The following GRIK1 variants were observed in gnomAD, a reference collection of about 807,000 sequenced individuals.
The protein encoded by GRIK1 is glutamate ionotropic receptor kainate type subunit 1.
A neutral mutation model predicts 105.7 loss-of-function variants in GRIK1; 69 were observed. The ratio of observed to expected loss-of-function variants is 0.65; its 90% CI spans 0.54 to 0.80. GRIK1 has a LOEUF of 0.80. Among genes scored for constraint, GRIK1 ranks in the 30% least tolerant of loss-of-function variants. The pLI, the probability that GRIK1 is intolerant of heterozygous loss-of-function variation, is 0.00. For missense variants in GRIK1, 1,109 were observed against 1,167.3 expected (o/e 0.95, Z 0.73); for synonymous variants, 438 against 431.3 (o/e 1.02, Z -0.19).
chr21:29,828,615 T>C (rs889527957), intron 1 of GRIK1, among the ~76,000 whole-genome samples: 1 of 151,986 alleles, frequency 6.6e-6, no homozygotes, highest in African/African-American at 2.4e-5. Flanking sequence ...AGTCCTCCCA[T>C]CTTAGCCTCC....
intron 1 of GRIK1, among the ~76,000 whole-genome samples, chr21:29,839,318 G>T (rs142694777): frequency 0.012 from 1,864 of 152,280 alleles, 36 homozygotes; most frequent in African/African-American, 0.043. Flanking sequence ...CCAAAGTGCT[G>T]GGATTACAGG....
At chr21:29,707,098 T>C (rs1348665629) in intron 1 of GRIK1, among the ~76,000 whole-genome samples, 1 of 151,852 alleles carries the variant, frequency 6.6e-6, no homozygotes, top group African/African-American at 2.4e-5. Flanking sequence ...TCTCCTGACC[T>C]CGTGATCCGC....
At chr21:29,537,573 G>A (rs1354180737) in intron 17 of GRIK1, 188 bp from the exon 18 acceptor site, 2 of 661,612 alleles carry the variant, frequency 3.0e-6, no homozygotes, top group Non-Finnish European at 5.4e-6. Flanking sequence ...GGGAAACTGA[G>A]ATGGCAAGTT....
At chr21:29,779,573 A>G (rs1038470449) in intron 1 of GRIK1, among the ~76,000 whole-genome samples, 3 of 152,160 alleles carry the variant, frequency 2.0e-5, no homozygotes, top group Non-Finnish European at 4.4e-5. Flanking sequence ...TACCACCCAC[A>G]AAAAGTGGAC....
intron 1 of GRIK1, among the ~76,000 whole-genome samples, chr21:29,832,015 A>G (rs1033890344): frequency 6.6e-6 from 1 of 152,194 alleles, no homozygotes; most frequent in African/African-American, 2.4e-5. Context: ...CACATTCCAA[A>G]TGTGAGAAAT....
intron 1 of GRIK1, among the ~76,000 whole-genome samples, chr21:29,731,211 C>T (rs1314531159): frequency 6.6e-6 from 1 of 152,164 alleles, no homozygotes; most frequent in Non-Finnish European, 1.5e-5. Context: ...GTGATGTTTT[C>T]CCAGGTGCTT....
intron 4 of GRIK1, among the ~76,000 whole-genome samples, chr21:29,660,280 T>C (rs755874166): frequency 1.3e-5 from 2 of 152,186 alleles, no homozygotes; most frequent in Non-Finnish European, 2.9e-5. Context: ...ACCAAGGCCA[T>C]ATTTTAGTTT....
At chr21:29,631,899 C>A (rs2062282396) in intron 7 of GRIK1, among the ~76,000 whole-genome samples, 1 of 151,720 alleles carries the variant, frequency 6.6e-6, no homozygotes, top group East Asian at 1.9e-4. Context: ...TTCTCTAGAG[C>A]AAATCTTGGA....
At chr21:29,807,346 G>A (rs2066893082) in intron 1 of GRIK1, among the ~76,000 whole-genome samples, 1 of 152,076 alleles carries the variant, frequency 6.6e-6, no homozygotes, top group Non-Finnish European at 1.5e-5. Flanking sequence ...TACAACTTTG[G>A]TCTGATTCTT....
At chr21:29,591,321 TCA>T in intron 9 of GRIK1, 96 bp from the exon 10 acceptor site, 1 of 795,720 alleles carries the variant, frequency 1.3e-6, no homozygotes, top group East Asian at 2.4e-5. Flanking sequence ...GCACAAAAGC[TCA>T]CAGTTTGGGA....
intron 1 of GRIK1, among the ~76,000 whole-genome samples, chr21:29,834,720 T>C (rs1351339627): frequency 6.6e-6 from 1 of 151,356 alleles, no homozygotes; most frequent in African/African-American, 2.4e-5. Context: ...AGTTAACATA[T>C]ATTAATTGCT....
chr21:29,548,129 C>T lies in GRIK1; in HGVS notation c.2607+6923G>A, dbSNP rs2090075685. 3.3e-5 allele frequency among the ~76,000 whole-genome samples: 5 copies of T among 152,062 alleles called. No homozygotes were observed. The South Asian group carries it at 1.0e-3, about 31-fold the overall frequency. ...AAATACAGTAACTTTATTCCATCAT[C>T]CAGGTCTTACTCATTTTTGTGTCTT... On this transcript the variant is annotated intron_variant, in intron 16 of 17. Coordinates refer to ENST00000327783, the MANE Select transcript of GRIK1 (RefSeq NM_001330994.2).
chr21:29,838,658 C>G (rs1400057453), intron 1 of GRIK1, among the ~76,000 whole-genome samples: 1 of 152,158 alleles, frequency 6.6e-6, no homozygotes, highest in African/African-American at 2.4e-5. Flanking sequence ...GGGCAAATCA[C>G]TATCTAGTTT....
At chr21:29,669,210 A>G (rs1030514344) in intron 4 of GRIK1, among the ~76,000 whole-genome samples, 1 of 152,188 alleles carries the variant, frequency 6.6e-6, no homozygotes, top group African/African-American at 2.4e-5. Context: ...ATAACTATAG[A>G]CTTTTCCCCA....
At chr21:29,823,101 T>C (rs1569132151) in intron 1 of GRIK1, among the ~76,000 whole-genome samples, 1 of 151,954 alleles carries the variant, frequency 6.6e-6, no homozygotes, top group Non-Finnish European at 1.5e-5. Flanking sequence ...TCCAGCTAAT[T>C]TGCAGGTGTA....
intron 1 of GRIK1, among the ~76,000 whole-genome samples, chr21:29,712,509 T>C (rs1411172047): frequency 6.6e-6 from 1 of 152,102 alleles, no homozygotes; most frequent in Non-Finnish European, 1.5e-5. Context: ...CACGAGTGTA[T>C]GAAAGTACTC....
intron 1 of GRIK1, among the ~76,000 whole-genome samples, chr21:29,782,038 G>A (rs2066126248): frequency 6.6e-6 from 1 of 151,160 alleles, no homozygotes; most frequent in Non-Finnish European, 1.5e-5. Context: ...TTAGTGATGG[G>A]CATTTGGGTA....
At chr21:29,694,088 A>T in intron 1 of GRIK1, 25 bp from the exon 2 acceptor site, 1 of 1,411,810 alleles carries the variant, frequency 7.1e-7, no homozygotes, top group Non-Finnish European at 1.0e-6. Flanking sequence ...GAGATGCATG[A>T]GAAGCGTTAG....
intron 1 of GRIK1, among the ~76,000 whole-genome samples, chr21:29,867,819 T>TGAATGAAAGAAA (rs2068851460): frequency 2.8e-4 from 13 of 45,926 alleles, no homozygotes; most frequent in Non-Finnish European, 4.4e-4. Flanking sequence ...AAAGAAAGAA[T>TGAATGAAAGAAA]GAAAGAAAGA....
Sources: gnomAD v4.1 joint callset for allele counts (sites outside exome capture counted in the v4.1 genomes callset) on GRCh38, gnomAD v4.1.1 for gene constraint, MANE v1.5 for transcripts, NCBI Gene and HGNC (gene_info 2026-07-23, HGNC 2026-07-21) for gene names.